TRAPPC9: variants seen among roughly 807,000 people sequenced by gnomAD.
TRAPPC9 encodes trafficking protein particle complex subunit 9.
Under a neutral mutation model 124.0 loss-of-function variants are expected in TRAPPC9, and 83 were observed. That is an observed-to-expected ratio of 0.67 (90% CI 0.56 to 0.80). The LOEUF (loss-of-function observed/expected upper bound fraction) is 0.80. Ranked by LOEUF, TRAPPC9 falls within the 30% of genes least tolerant of loss-of-function variation. The pLI is 0.00. For synonymous variants in TRAPPC9, 638 were observed against 617.5 expected, an observed-to-expected ratio of 1.03 and a Z score of -0.49; for missense variants, 1,302 against 1,508.3, an observed-to-expected ratio of 0.86 and a Z score of 2.27.
In TRAPPC9 at chr8:140,451,008, C is replaced by A; in HGVS notation, c.366G>T (p.Gly122=). ...DSRLFVFGLQ[G]EIVEQPRTDV... is the part of the protein sequence containing the mutation. Reference sequence around the variant, plus strand: ...CGGTGCGCGGCTGCTCCACGATCTCCCCCTGCAGCCCGAAGACAAAGAGCC... The same window carrying A: ...CGGTGCGCGGCTGCTCCACGATCTCACCCTGCAGCCCGAAGACAAAGAGCC... The change falls in exon 2 of 23, where the codon GGG becomes GGT. Residue 122 remains glycine, a synonymous_variant. Transcript: ENST00000438773. 1 of 1,614,132 alleles carries A rather than the reference C, an allele frequency of 6.2e-7. No homozygotes were observed. The highest frequency in any genetic ancestry group is 8.5e-7 in the Non-Finnish European group (1 of 1,180,030).
intron 20 of TRAPPC9, among the ~76,000 whole-genome samples, chr8:139,896,417 A>G (rs1430268557): frequency 6.6e-6 from 1 of 152,250 alleles, no homozygotes; most frequent in East Asian, 1.9e-4. Context: ...TAAGTGCTCA[A>G]CACGCATCTT....
intron 16 of TRAPPC9, 73 bp from the exon 17 acceptor site, chr8:140,221,656 T>C: frequency 6.5e-7 from 1 of 1,538,250 alleles, no homozygotes; most frequent in South Asian, 1.2e-5. Flanking sequence ...TGTTGTTGTT[T>C]GGGACGGGTC....
chr8:140,375,537 T>C (rs1021280221), intron 7 of TRAPPC9, among the ~76,000 whole-genome samples: 1 of 152,212 alleles, frequency 6.6e-6, no homozygotes, highest in African/African-American at 2.4e-5. Context: ...GAATACAGCC[T>C]GGAGCTGTAA....
Position 140,252,973 on chromosome 8 carries a change from G to A in TRAPPC9, c.2279-44C>T. The A allele has an allele frequency of 1.3e-6, 2 of 1,596,530 alleles. No homozygotes were observed. Among genetic ancestry groups the A allele is most frequent in the South Asian group, 1.1e-5 (1 of 90,746 alleles). Reference sequence around the variant, plus strand: ...CAGTGATGAGGATGCTGTAACTGAGGCAGTATGGGACTTACCAATCCCCTA... The same window carrying A: ...CAGTGATGAGGATGCTGTAACTGAGACAGTATGGGACTTACCAATCCCCTA... On this transcript the variant is annotated intron_variant, in intron 15 of 22. Transcript: ENST00000438773. This position sits in a 1 kb window ranked among gnomAD's most constrained non-coding sequence, Gnocchi z 4.2.
intron 10 of TRAPPC9, among the ~76,000 whole-genome samples, chr8:140,304,309 G>A (rs537948672): frequency 1.2e-4 from 18 of 152,108 alleles, no homozygotes; most frequent in African/African-American, 3.9e-4. Flanking sequence ...TGGCCAGGCC[G>A]GTCTCGAACT....
At chr8:140,175,791 G>C (rs1337075511) in intron 17 of TRAPPC9, among the ~76,000 whole-genome samples, 2 of 152,226 alleles carry the variant, frequency 1.3e-5, no homozygotes, top group African/African-American at 2.4e-5. Context: ...GGAATGCAGT[G>C]AGGATTCTTT....
intron 21 of TRAPPC9, among the ~76,000 whole-genome samples, chr8:139,780,870 G>C (rs532457800): frequency 1.5e-4 from 21 of 143,808 alleles, no homozygotes; most frequent in African/African-American, 5.4e-4. Context: ...GAGGTGAACA[G>C]ACATTTCAAC....
chr8:140,328,672 C>T (rs1405487801), intron 9 of TRAPPC9, among the ~76,000 whole-genome samples: 1 of 151,834 alleles, frequency 6.6e-6, no homozygotes, highest in Non-Finnish European at 1.5e-5. Flanking sequence ...CACTAAAGAA[C>T]TTACTCAGGT....
Position 140,087,545 on chromosome 8 carries a change from C to G in TRAPPC9, c.2557-63466G>C, listed in dbSNP as rs1347774063. 6.6e-6 allele frequency among the ~76,000 whole-genome samples: 1 copy of G among 152,186 alleles called. No homozygotes were observed. Among genetic ancestry groups the G allele is most frequent in the African/African-American group, 2.4e-5 (1 of 41,442 alleles). ...AATCCCCACCGAGCTTCCTCCATCT[C>G]AGTAAATAAAACAACCACCGTCCAG... is the stretch of plus-strand genomic sequence containing the variant. On this transcript the variant is annotated intron_variant, in intron 17 of 22. Transcript: ENST00000438773. The surrounding 1 kb of genome is among the most constrained non-coding windows in gnomAD (Gnocchi z 4.6).
intron 18 of TRAPPC9, among the ~76,000 whole-genome samples, chr8:140,011,367 G>C (rs1839105847): frequency 1.3e-5 from 2 of 151,068 alleles, no homozygotes; most frequent in Middle Eastern, 3.5e-3. Flanking sequence ...AAAAATAATA[G>C]TAACAATATT....
rs559610340 is a variant in TRAPPC9 at position 139,752,518 on chromosome 8, A to T, written c.3056-20316T>A. On this transcript the variant is annotated intron_variant, in intron 21 of 22. Coordinates refer to ENST00000438773, the MANE Select transcript of TRAPPC9 (RefSeq NM_001160372.4). Reference sequence around the variant, plus strand: ...TCCACCCATCTACCATCCATCCAACATCTACCCATCCATCCATCCATCCAC... The same window carrying T: ...TCCACCCATCTACCATCCATCCAACTTCTACCCATCCATCCATCCATCCAC... Among the ~76,000 whole-genome samples, 333 of 147,580 alleles carry T rather than the reference A, an allele frequency of 2.3e-3. 2 individuals are homozygous for T. Among genetic ancestry groups the T allele is most frequent in the African/African-American group, 8.0e-3 (319 of 39,820 alleles).
intron 17 of TRAPPC9, among the ~76,000 whole-genome samples, chr8:140,075,126 C>T (rs1158798393): frequency 1.3e-5 from 2 of 152,138 alleles, no homozygotes; most frequent in African/African-American, 4.8e-5. Context: ...GCCCTGCAGA[C>T]AGGGCTCGGC....
At chr8:140,439,004 A>T (rs1314177443) in intron 3 of TRAPPC9, 48 bp downstream of exon 3, 2 of 1,612,844 alleles carry the variant, frequency 1.2e-6, no homozygotes, top group East Asian at 4.5e-5. Context: ...ATTTTAATTA[A>T]CAGTTGAAAC....
chr8:139,924,589 C>T (rs1216786880), intron 19 of TRAPPC9, among the ~76,000 whole-genome samples: 2 of 152,204 alleles, frequency 1.3e-5, no homozygotes, highest in Non-Finnish European at 2.9e-5. Flanking sequence ...GCCTTCAACT[C>T]TTAGCCTAGG....
Position 140,281,929 on chromosome 8 carries a change from T to C in TRAPPC9, c.2114+1960A>G, listed in dbSNP as rs2065334009. Among the ~76,000 whole-genome samples the C allele has an allele frequency of 1.1e-4, 16 of 152,154 alleles. No homozygotes were observed. The South Asian group carries it at 3.3e-3, about 32-fold the overall frequency. On this transcript the variant is annotated intron_variant, in intron 14 of 22. Transcript: ENST00000438773. ...AGAACTCTTCCCTGAGTCTGTGACC[T>C]CCCCCAGCACATGGGACCTCCCGCA...
chr8:139,851,169 G>A (rs911072589), intron 21 of TRAPPC9, among the ~76,000 whole-genome samples: 8 of 152,208 alleles, frequency 5.3e-5, no homozygotes, highest in Non-Finnish European at 7.3e-5. Context: ...ATCAGACAGC[G>A]ATATGAACCA....
intron 4 of TRAPPC9, among the ~76,000 whole-genome samples, chr8:140,428,471 C>T (rs2070506705): frequency 6.6e-6 from 1 of 152,096 alleles, no homozygotes. Flanking sequence ...CAGAGGATGC[C>T]CTCACACACC....
At chr8:140,011,106 G>A (rs780489256) in intron 18 of TRAPPC9, among the ~76,000 whole-genome samples, 2 of 152,100 alleles carry the variant, frequency 1.3e-5, no homozygotes, top group South Asian at 4.1e-4. Context: ...TTGGGAGGCC[G>A]AGAAGGGAGG....
intron 19 of TRAPPC9, among the ~76,000 whole-genome samples, chr8:139,919,633 G>C (rs774041193): frequency 6.6e-6 from 1 of 152,166 alleles, no homozygotes; most frequent in Non-Finnish European, 1.5e-5. Context: ...AGATGTTCTG[G>C]GCATTATTTT....
Sources: gnomAD v4.1 joint callset for allele counts (sites outside exome capture counted in the v4.1 genomes callset) on GRCh38, gnomAD v4.1.1 for gene constraint, Gnocchi (gnomAD v3.1) non-coding constraint, MANE v1.5 for transcripts, NCBI Gene and HGNC (gene_info 2026-07-23, HGNC 2026-07-21) for gene names.